The following CCPG1 variants were observed in gnomAD, a reference collection of about 807,000 sequenced individuals.
The protein encoded by CCPG1 is cell cycle progression 1.
A neutral mutation model predicts 81.3 loss-of-function variants in CCPG1; 46 were observed. That is an observed-to-expected ratio of 0.57 (90% CI 0.45 to 0.72). The LOEUF (loss-of-function observed/expected upper bound fraction) is 0.72. Ranked by LOEUF, CCPG1 falls within the 30% of genes least tolerant of loss-of-function variation. The probability of loss-of-function intolerance (pLI) is 0.00; values close to 1 mark genes in which losing one functional copy is unlikely to be tolerated. For synonymous variants in CCPG1, 330 were observed against 305.2 expected (o/e 1.08, Z -0.85); for missense variants, 902 against 937.6 (o/e 0.96, Z 0.50).
intron 8 of CCPG1, chr15:55,358,400 C>A (rs922384547): frequency 1.0e-6 from 1 of 985,276 alleles, no homozygotes; most frequent in East Asian, 1.1e-4. Flanking sequence ...TTATCCCACC[C>A]GCCTTGAAAA....
At chr15:55,380,326 C>A (rs1279065745) in intron 3 of CCPG1, among the ~76,000 whole-genome samples, 1 of 150,836 alleles carries the variant, frequency 6.6e-6, no homozygotes. Context: ...GACGGAGTCC[C>A]CCTCTGTCGC....
chr15:55,356,077 G>C lies in CCPG1; in HGVS notation c.*143C>G. 1 of 648,920 alleles carries C rather than the reference G, an allele frequency of 1.5e-6. No individual in the cohort carries two copies. The allele number at this position is 648,920 out of a possible 1,614,324, so 40.2% of individuals were successfully genotyped here. On this transcript the variant is annotated 3_prime_UTR_variant, in exon 9 of 9. Transcript: ENST00000442196. ...TAGACTTTTAACTAATGCTTCTGAG[G>C]AATAATATAAAGTTATCAAACTGAT...
At chr15:55,372,725 ACT>A (rs899919096) in intron 5 of CCPG1, 9 of 261,394 alleles carry the variant, frequency 3.4e-5, no homozygotes, top group African/African-American at 1.6e-4. Context: ...GAAAAAAAAT[ACT>A]CTCTGTCTCT....
chr15:55,405,219 G>A (rs779447198), intron 1 of CCPG1, among the ~76,000 whole-genome samples: 7 of 152,054 alleles, frequency 4.6e-5, no homozygotes, highest in Admixed American at 1.3e-4. Flanking sequence ...AAAATTAGCC[G>A]GGCATGGTGG....
At chr15:55,377,201 C>A in intron 4 of CCPG1, 51 bp from the exon 5 acceptor site, 1 of 1,259,256 alleles carries the variant, frequency 7.9e-7, no homozygotes, top group South Asian at 1.3e-5. Context: ...ATTTAAGGGT[C>A]TTACATTTTC....
intron 3 of CCPG1, among the ~76,000 whole-genome samples, chr15:55,385,190 G>C (rs1455169391): frequency 1.3e-5 from 2 of 152,124 alleles, no homozygotes; most frequent in Non-Finnish European, 2.9e-5. Context: ...GTTTTAAATG[G>C]AGTCTCACTC....
At chr15:55,365,883 G>T (rs577135839) in intron 6 of CCPG1, among the ~76,000 whole-genome samples, 1 of 151,694 alleles carries the variant, frequency 6.6e-6, no homozygotes, top group Non-Finnish European at 1.5e-5. Flanking sequence ...TTTGAGGTCA[G>T]GAGTTCAAGA....
chr15:55,369,458 C>A (rs1266735782), intron 6 of CCPG1, among the ~76,000 whole-genome samples: 1 of 151,870 alleles, frequency 6.6e-6, no homozygotes, highest in Non-Finnish European at 1.5e-5. Context: ...TTGCTTGAAC[C>A]CGGGAGGCGA....
Position 55,355,365 on chromosome 15 carries a change from T to C in CCPG1, c.*855A>G. 3.7e-6 allele frequency: 6 copies of C among 1,611,620 alleles called. No individual in the cohort carries two copies. Among genetic ancestry groups the C allele is most frequent in the South Asian group, 1.1e-5 (1 of 90,986 alleles). On this transcript the variant is annotated 3_prime_UTR_variant, in exon 9 of 9. Coordinates refer to ENST00000442196, the MANE Select transcript of CCPG1 (RefSeq NM_001204450.2). ...CACACTCACTTGCCAGAGGGTCGAA[T>C]TGGAAGTCACATATATGTCTATGAA...
chr15:55,361,065 C>G, intron 7 of CCPG1, 121 bp from the exon 8 acceptor site: 3 of 1,068,504 alleles, frequency 2.8e-6, no homozygotes, highest in Non-Finnish European at 3.8e-6. Flanking sequence ...TACAACCCCC[C>G]GGGTAGTATT....
At chr15:55,375,955 G>A (rs1002334607) in intron 5 of CCPG1, among the ~76,000 whole-genome samples, 4 of 152,152 alleles carry the variant, frequency 2.6e-5, no homozygotes, top group African/African-American at 9.7e-5. Flanking sequence ...TTTACAAAGT[G>A]CTGGAATTAC....
intron 7 of CCPG1, among the ~76,000 whole-genome samples, chr15:55,362,429 ATTAATCT>A (rs967904738): frequency 1.1e-4 from 16 of 152,200 alleles, no homozygotes; most frequent in African/African-American, 3.9e-4. Context: ...GTTCTGGCTC[ATTAATCT>A]TCAGAGAACA....
intron 7 of CCPG1, among the ~76,000 whole-genome samples, chr15:55,362,299 GCAGT>G (rs770849777): frequency 2.0e-5 from 3 of 148,934 alleles, no homozygotes; most frequent in Non-Finnish European, 4.4e-5. Context: ...TTGAGTCAGA[GCAGT>G]CAATTACCTG....
intron 3 of CCPG1, among the ~76,000 whole-genome samples, chr15:55,381,597 T>C (rs2056697147): frequency 6.6e-6 from 1 of 152,222 alleles, no homozygotes; most frequent in South Asian, 2.1e-4. Flanking sequence ...ACGTGTAGGC[T>C]TAAAAAAATT....
intron 8 of CCPG1, chr15:55,358,079 TTAAG>T (rs1489938336): frequency 3.9e-5 from 6 of 152,180 alleles, no homozygotes; most frequent in Admixed American, 3.9e-4. Context: ...TTAAGGATGA[TTAAG>T]TAACTTAATA....
rs529826854 is a variant in CCPG1 at position 55,396,715 on chromosome 15, C to T, written c.-9-7282G>A. On this transcript the variant is annotated intron_variant, in intron 1 of 8. Coordinates refer to ENST00000442196, the MANE Select transcript of CCPG1 (RefSeq NM_001204450.2). The stretch of plus-strand genomic sequence containing the variant: ...GGATAGAGAAGCTTAACTCTAAAAA[C>T]GATGGTCAGGGCAAGCTTCATTGCT... 2.6e-5 allele frequency among the ~76,000 whole-genome samples: 4 copies of T among 152,230 alleles called. No homozygotes were observed. The East Asian group carries it at 5.8e-4, about 22-fold the overall frequency.
chr15:55,402,365 C>CT (rs11406535), intron 1 of CCPG1, among the ~76,000 whole-genome samples: 6,133 of 152,150 alleles, frequency 0.04, 413 homozygotes, highest in African/African-American at 0.14. Context: ...GTAATTGGGA[C>CT]TACAGGTACA....
At chr15:55,407,991 G>C (rs1471213153) in intron 1 of CCPG1, 6 of 152,326 alleles carry the variant, frequency 3.9e-5, no homozygotes, top group Non-Finnish European at 7.3e-5. Flanking sequence ...AAGACCACCG[G>C]ACCGGACGCC....
intron 7 of CCPG1, among the ~76,000 whole-genome samples, chr15:55,362,165 T>TA (rs922049757): frequency 6.6e-6 from 1 of 152,128 alleles, no homozygotes; most frequent in Non-Finnish European, 1.5e-5. Flanking sequence ...AGTCAAAACT[T>TA]AAACAATATG....
Sources: allele counts gnomAD v4.1 joint callset (sites outside exome capture counted in the v4.1 genomes callset), GRCh38; gene constraint gnomAD v4.1.1; transcripts MANE v1.5; gene names NCBI Gene and HGNC (gene_info 2026-07-23, HGNC 2026-07-21).